The following IL12RB1 variants were observed in gnomAD, a reference collection of about 807,000 sequenced individuals.
IL12RB1 encodes interleukin-12 receptor subunit beta-1.
In IL12RB1, 64 loss-of-function variants were observed where a neutral mutation model predicts 94.4. The ratio of observed to expected loss-of-function variants is 0.68; its 90% CI spans 0.55 to 0.83. The LOEUF (loss-of-function observed/expected upper bound fraction) is 0.83, where lower values mean the gene tolerates loss of function less well. Ranked by LOEUF, IL12RB1 falls within the 40% of genes least tolerant of loss-of-function variation. The pLI is 0.00. For synonymous variants in IL12RB1, 362 were observed against 355.5 expected (o/e 1.02, Z -0.21); for missense variants, 814 against 855.6 (o/e 0.95, Z 0.61).
chr19:18,071,374 CA>C (rs1402961854), intron 9 of IL12RB1: 1 of 1,016,808 alleles, frequency 9.8e-7, no homozygotes, highest in Non-Finnish European at 1.3e-6. Flanking sequence ...TAAATAAACA[CA>C]GGGTCAACTC....
Position 18,062,197 on chromosome 19 carries a change from AG to A in IL12RB1, c.1698del (p.Tyr567ThrfsTer4). 6.2e-7 allele frequency: 1 copy of A among 1,611,970 alleles called. No individual in the cohort carries two copies. The highest frequency in any genetic ancestry group is 2.2e-5 in the East Asian group (1 of 44,864). On this transcript the variant is annotated frameshift_variant, in exon 14 of 17. Coordinates refer to ENST00000593993, the MANE Select transcript of IL12RB1 (RefSeq NM_005535.3). LOFTEE classifies it high-confidence loss of function. ...FLSILLVGVL[G>X]YLGLNRAARH... ...GTCAGTTACCTGTTCAGGCCAAGGT[AG>A]CCAAGGACGCCCACGAGAAGGATGC...
At position 18,059,278 on chromosome 19, in the gene IL12RB1, C is replaced by T; in HGVS notation, c.*330G>A. 2.2e-6 allele frequency: 1 copy of T among 460,154 alleles called. No individual in the cohort carries two copies. Among genetic ancestry groups the T allele is most frequent in the Admixed American group, 3.5e-5 (1 of 28,246 alleles). The allele number at this position is 460,154 out of a possible 1,614,324, so 28.5% of individuals were successfully genotyped here. On this transcript the variant is annotated 3_prime_UTR_variant, in exon 17 of 17. Transcript: ENST00000593993. Reference sequence around the variant, plus strand: ...AGCCCTTGAGTCCAGACTCCCCATCCAGTGCTCCTGGGGGTGGATGCCCAG... The same window carrying T: ...AGCCCTTGAGTCCAGACTCCCCATCTAGTGCTCCTGGGGGTGGATGCCCAG...
intron 4 of IL12RB1, among the ~76,000 whole-genome samples, chr19:18,080,551 G>T (rs916935703): frequency 1.3e-5 from 2 of 152,042 alleles, no homozygotes; most frequent in East Asian, 1.9e-4. Context: ...ACATGATGTC[G>T]AGTCATGAGA....
At position 18,072,122 on chromosome 19, in the gene IL12RB1, G is replaced by A; in HGVS notation, c.1011C>T (p.Asp337=). 1.9e-6 allele frequency: 3 copies of A among 1,612,174 alleles called. No individual in the cohort carries two copies. Among genetic ancestry groups the A allele is most frequent in the Non-Finnish European group, 2.5e-6 (3 of 1,178,190 alleles). ...GLNQTWHIPA[D]THTEPVALNI... is the part of the protein sequence containing the mutation. ...ACCCAGAGGAGGCACCTGTGTGGGTGTCGGCAGGAATGTGCCACGTCTGGT... is the reference window on the plus strand; with the variant it reads ...ACCCAGAGGAGGCACCTGTGTGGGTATCGGCAGGAATGTGCCACGTCTGGT... The change falls in exon 9 of 17, where the codon GAC becomes GAT. Residue 337 remains aspartate (D), a synonymous_variant. Transcript: ENST00000593993.
In IL12RB1 at chr19:18,081,847, A is replaced by AATGGATGG. The variant is rs3048839; in HGVS notation, c.239+295_239+302dup. 2.4e-3 allele frequency among the ~76,000 whole-genome samples: 353 copies of AATGGATGG among 148,518 alleles called. 2 individuals carry two copies. Among genetic ancestry groups the AATGGATGG allele is most frequent in the African/African-American group, 8.3e-3 (333 of 40,132 alleles). ...AAAAAGAAAAAAAGAAAAAAGAAAA[A>AATGGATGG]ATGGATGGATGGATGGATGGATGGA... On this transcript the variant is annotated intron_variant, in intron 3 of 16. Transcript: ENST00000593993.
chr19:18,093,438 A>G (rs1266128849), intron 1 of IL12RB1, among the ~76,000 whole-genome samples: 1 of 151,932 alleles, frequency 6.6e-6, no homozygotes, highest in Non-Finnish European at 1.5e-5. Flanking sequence ...GTCACTCAAT[A>G]AGCACTCCTT....
chr19:18,084,697 C>CATA lies in IL12RB1; in HGVS notation c.65-1207_65-1206insTAT, dbSNP rs1367857083. ...TCCATCCATCCATCCATCCATCCAT[C>CATA]CATACATACATACATGTATTTATTA... On this transcript the variant is annotated intron_variant, in intron 1 of 16. Transcript: ENST00000593993. 8.2e-4 allele frequency among the ~76,000 whole-genome samples: 69 copies of CATA among 84,102 alleles called. No individual in the cohort carries two copies. In the East Asian group the frequency reaches 8.3e-3, roughly 10 times the overall value. The allele number at this position is 84,102 out of a possible 152,430, so 55.2% of individuals were successfully genotyped here.
At position 18,066,525 on chromosome 19, in the gene IL12RB1, T is replaced by C; in HGVS notation, c.1483+17A>G. 6.3e-7 allele frequency: 1 copy of C among 1,597,128 alleles called. No individual in the cohort carries two copies. The highest frequency in any genetic ancestry group is 8.6e-7 in the Non-Finnish European group (1 of 1,165,008). ...CCTCCCTTCCTCCCCAAGCCAGGTC[T>C]GCACTGCCTCACGTACCTGACACCT... On this transcript the variant is annotated intron_variant, in intron 12 of 16. Coordinates refer to ENST00000593993, the MANE Select transcript of IL12RB1 (RefSeq NM_005535.3).
At chr19:18,064,083 C>T (rs2146125600) in intron 12 of IL12RB1, 73 bp from the exon 13 acceptor site, 2 of 1,042,752 alleles carry the variant, frequency 1.9e-6, no homozygotes, top group Non-Finnish European at 3.0e-6. Context: ...CTACCACAGC[C>T]TGTGGGTGGG....
intron 1 of IL12RB1, chr19:18,097,942 G>A (rs1472746969): frequency 8.3e-6 from 7 of 846,154 alleles, no homozygotes; most frequent in South Asian, 5.9e-5. Context: ...AACTGAGGCA[G>A]AGGGTGGGGA....
chr19:18,085,610 T>TTTA (rs901255326), intron 1 of IL12RB1, among the ~76,000 whole-genome samples: 54 of 151,688 alleles, frequency 3.6e-4, no homozygotes, highest in African/African-American at 1.2e-3. Flanking sequence ...GGAAAGTTTA[T>TTTA]TTATTATTAT....
intron 4 of IL12RB1, among the ~76,000 whole-genome samples, chr19:18,079,595 G>A (rs538418314): frequency 2.0e-5 from 3 of 151,548 alleles, no homozygotes; most frequent in African/African-American, 7.3e-5. Context: ...CTAGATATTC[G>A]ACTTTTTTTT....
At chr19:18,087,534 G>C (rs1017750988), upstream of IL12RB1, among the ~76,000 whole-genome samples, 1 of 151,114 alleles carries the variant, frequency 6.6e-6, no homozygotes, top group Admixed American at 6.6e-5. Context: ...TTCTTCTTTT[G>C]AGATAGGGTC....
chr19:18,077,430 C>T, intron 5 of IL12RB1, 86 bp downstream of exon 5: 1 of 1,028,106 alleles, frequency 9.7e-7, no homozygotes, highest in Non-Finnish European at 1.5e-6. Context: ...GGAGCGGGGA[C>T]AGATGCAGAG....
intron 1 of IL12RB1, chr19:18,097,945 G>A (rs1236499314): frequency 1.7e-5 from 14 of 813,064 alleles, no homozygotes; most frequent in Non-Finnish European, 2.3e-5. Flanking sequence ...TGAGGCAGAG[G>A]GTGGGGAACG....
intron 4 of IL12RB1, among the ~76,000 whole-genome samples, chr19:18,078,734 A>C (rs2035663943): frequency 6.6e-6 from 1 of 152,066 alleles, no homozygotes; most frequent in African/African-American, 2.4e-5. Context: ...CTTAGTTTTT[A>C]GATCTATTTC....
chr19:18,095,348 A>G (rs2036841570), intron 1 of IL12RB1, among the ~76,000 whole-genome samples: 1 of 152,218 alleles, frequency 6.6e-6, no homozygotes, highest in Non-Finnish European at 1.5e-5. Context: ...TTATTTGGTC[A>G]TGAAACGGAA....
chr19:18,059,677 T>C, intron 16 of IL12RB1, 64 bp from the exon 17 acceptor site: 1 of 778,392 alleles, frequency 1.3e-6, no homozygotes, highest in Non-Finnish European at 2.4e-6. Context: ...TAGGGAATCA[T>C]GTGAGTGGAT....
chr19:18,069,463 C>A, intron 10 of IL12RB1, 83 bp downstream of exon 10: 2 of 1,300,194 alleles, frequency 1.5e-6, no homozygotes, highest in Non-Finnish European at 2.1e-6. Flanking sequence ...CCGCTGTGTG[C>A]CTTCCCTGCA....
Sources: gnomAD v4.1 joint callset for allele counts (sites outside exome capture counted in the v4.1 genomes callset) on GRCh38, gnomAD v4.1.1 for gene constraint, MANE v1.5 for transcripts, NCBI Gene and HGNC (gene_info 2026-07-23, HGNC 2026-07-21) for gene names.